Variants in PAN3 observed in about 807,000 individuals in gnomAD.
PAN3 encodes the protein poly(A) specific ribonuclease subunit PAN3.
Under a neutral mutation model 96.2 loss-of-function variants are expected in PAN3, and 19 were observed. That is an observed-to-expected ratio of 0.20 (90% CI 0.14 to 0.29). The LOEUF (loss-of-function observed/expected upper bound fraction) is 0.29. PAN3 is among the 10% of genes least tolerant of loss of function. PAN3 has a pLI of 1.00. For synonymous variants in PAN3, 433 were observed against 406.6 expected, an observed-to-expected ratio of 1.06 and a Z score of -0.78; for missense variants, 882 against 1,108.1, an observed-to-expected ratio of 0.80 and a Z score of 2.90.
At chr13:28,187,354 A>G (rs1260121136) in intron 4 of PAN3, among the ~76,000 whole-genome samples, 3 of 152,150 alleles carry the variant, frequency 2.0e-5, no homozygotes, top group Non-Finnish European at 4.4e-5. Flanking sequence ...TTTTTCACTC[A>G]AAATATTTTA....
At chr13:28,170,125 A>G (rs1214727073) in intron 1 of PAN3, among the ~76,000 whole-genome samples, 1 of 152,096 alleles carries the variant, frequency 6.6e-6, no homozygotes, top group Non-Finnish European at 1.5e-5. Flanking sequence ...CTTGCCACCT[A>G]CCCTTGTTTT....
Position 28,289,135 on chromosome 13 carries a change from G to T in PAN3, c.2523+1013G>T, listed in dbSNP as rs186112916. On this transcript the variant is annotated intron_variant, in intron 18 of 18. Coordinates refer to ENST00000380958, the MANE Select transcript of PAN3 (RefSeq NM_175854.8). ...GCCACCGCACCCGGCCTAACTCTAG[G>T]TTTTATAATCAAGTAGTAAATAATA... 2.6e-5 allele frequency among the ~76,000 whole-genome samples: 4 copies of T among 152,102 alleles called. No individual in the cohort carries two copies. In the South Asian group the frequency reaches 6.2e-4, roughly 24 times the overall value.
Position 28,223,871 on chromosome 13 carries a change from A to ATTTTT in PAN3, c.1000+3516_1000+3520dup, listed in dbSNP as rs560571140. Among the ~76,000 whole-genome samples, 11 of 75,012 alleles carry ATTTTT rather than the reference A, an allele frequency of 1.5e-4. 1 individual carries two copies. The highest frequency in any genetic ancestry group is 6.3e-4 in the African/African-American group (10 of 15,868). The allele number at this position is 75,012 out of a possible 152,430, so 49.2% of individuals were successfully genotyped here. On this transcript the variant is annotated intron_variant, in intron 6 of 18. Coordinates refer to ENST00000380958, the MANE Select transcript of PAN3 (RefSeq NM_175854.8). ...TTTAATTTTTGTGCCATGAAAAGTG[A>ATTTTT]TTTTTTTTTTTTTTTTTTTTTTTTT... is the stretch of plus-strand genomic sequence containing the variant.
intron 6 of PAN3, among the ~76,000 whole-genome samples, chr13:28,223,162 T>C (rs899326687): frequency 4.6e-5 from 7 of 152,332 alleles, no homozygotes; most frequent in African/African-American, 1.7e-4. Flanking sequence ...AAATAAGTCA[T>C]GTTTTTGGTA....
chr13:28,287,681 G>A (rs1869153846), intron 17 of PAN3, among the ~76,000 whole-genome samples: 1 of 152,220 alleles, frequency 6.6e-6, no homozygotes, highest in Non-Finnish European at 1.5e-5. Context: ...AGGAAGAGAA[G>A]AGAAGATATT....
At chr13:28,201,157 C>T (rs1878646358) in intron 5 of PAN3, among the ~76,000 whole-genome samples, 1 of 151,824 alleles carries the variant, frequency 6.6e-6, no homozygotes, top group Non-Finnish European at 1.5e-5. Context: ...GTCTCAGTCT[C>T]CCGAGTAGCT....
chr13:28,241,494 A>G (rs1467503554), intron 6 of PAN3, among the ~76,000 whole-genome samples: 1 of 152,202 alleles, frequency 6.6e-6, no homozygotes, highest in African/African-American at 2.4e-5. Flanking sequence ...GGTCTGAGGA[A>G]TAAAGCTTGT....
chr13:28,294,836 T>A lies in PAN3; in HGVS notation c.*2314T>A, dbSNP rs1435197217. 6.6e-6 allele frequency: 1 copy of A among 152,224 alleles called. No individual in the cohort carries two copies. The highest frequency in any genetic ancestry group is 2.4e-5 in the African/African-American group (1 of 41,450). 9.4% of individuals were successfully genotyped at this position (152,224 alleles called of 1,614,324 possible). On this transcript the variant is annotated 3_prime_UTR_variant, in exon 19 of 19. Coordinates refer to ENST00000380958, the MANE Select transcript of PAN3 (RefSeq NM_175854.8). ...AATGCATATTTTTTTAAGCTTTGTT[T>A]TATATTTATTTTTCATTTAGTTTTT...
intron 5 of PAN3, among the ~76,000 whole-genome samples, chr13:28,210,347 C>T (rs1426994577): frequency 6.6e-6 from 1 of 152,152 alleles, no homozygotes; most frequent in African/African-American, 2.4e-5. Flanking sequence ...TTCCAACATA[C>T]ACATGCTACT....
At chr13:28,230,706 A>C (rs1300125617) in intron 6 of PAN3, among the ~76,000 whole-genome samples, 2 of 152,208 alleles carry the variant, frequency 1.3e-5, no homozygotes, top group Non-Finnish European at 2.9e-5. Flanking sequence ...AAAGAAATCC[A>C]AAATTAAAAT....
At chr13:28,146,445 GTATTT>G (rs745390862) in intron 1 of PAN3, among the ~76,000 whole-genome samples, 3 of 151,760 alleles carry the variant, frequency 2.0e-5, no homozygotes, top group Admixed American at 6.6e-5. Context: ...TAACAGAAAA[GTATTT>G]TCTCAGACTT....
chr13:28,190,848 G>A (rs1213118355), intron 4 of PAN3, among the ~76,000 whole-genome samples: 1 of 151,962 alleles, frequency 6.6e-6, no homozygotes, highest in Non-Finnish European at 1.5e-5. Flanking sequence ...ATGAGATTTG[G>A]GTGGGGACAC....
intron 1 of PAN3, among the ~76,000 whole-genome samples, chr13:28,155,652 A>G (rs1048112292): frequency 1.1e-4 from 17 of 152,190 alleles, no homozygotes; most frequent in Non-Finnish European, 1.6e-4. Flanking sequence ...TTGTGAGTGC[A>G]TAGATTAATA....
intron 5 of PAN3, among the ~76,000 whole-genome samples, chr13:28,199,624 TG>T (rs1819509130): frequency 6.6e-6 from 1 of 150,454 alleles, no homozygotes; most frequent in Non-Finnish European, 1.5e-5. Flanking sequence ...GATTCCAAAC[TG>T]GGGGTCTGGA....
At position 28,171,042 on chromosome 13, in the gene PAN3, C is replaced by T. The variant is rs565206193; in HGVS notation, c.431-3230C>T. Among the ~76,000 whole-genome samples, 58 of 152,204 alleles carry T rather than the reference C, an allele frequency of 3.8e-4. 1 individual carries two copies. The highest frequency in any genetic ancestry group is 1.1e-3 in the African/African-American group (44 of 41,534). ...AACTCCCTACCTCAGGCGATCCGCC[C>T]GCCTTGGCCTCCCAAAGTGCTGGGA... On this transcript the variant is annotated intron_variant, in intron 1 of 18. Coordinates refer to ENST00000380958, the MANE Select transcript of PAN3 (RefSeq NM_175854.8).
At chr13:28,176,263 G>C (rs1005919935) in intron 2 of PAN3, among the ~76,000 whole-genome samples, 3 of 152,128 alleles carry the variant, frequency 2.0e-5, no homozygotes, top group Non-Finnish European at 4.4e-5. Flanking sequence ...ATTCAAAATA[G>C]GTCTGTAGCT....
intron 6 of PAN3, among the ~76,000 whole-genome samples, chr13:28,235,682 T>C (rs1421862603): frequency 9.7e-5 from 12 of 123,398 alleles, no homozygotes; most frequent in African/African-American, 2.8e-4. Context: ...TTCTCTAATA[T>C]ACACACACAC....
At chr13:28,167,763 G>C (rs774270395) in intron 1 of PAN3, among the ~76,000 whole-genome samples, 2 of 151,462 alleles carry the variant, frequency 1.3e-5, no homozygotes, top group African/African-American at 2.4e-5. Flanking sequence ...AGGATTCCTT[G>C]AACCCGGGAG....
At chr13:28,273,299 G>C (rs1425758561) in intron 14 of PAN3, among the ~76,000 whole-genome samples, 1 of 152,148 alleles carries the variant, frequency 6.6e-6, no homozygotes, top group Non-Finnish European at 1.5e-5. Flanking sequence ...GTATCTTCAA[G>C]CATTAAGAAC....
Sources: gnomAD v4.1 joint callset for allele counts (sites outside exome capture counted in the v4.1 genomes callset) on GRCh38, gnomAD v4.1.1 for gene constraint, MANE v1.5 for transcripts, NCBI Gene and HGNC (gene_info 2026-07-23, HGNC 2026-07-21) for gene names.